Variants in EMSY observed in about 807,000 individuals in gnomAD.
EMSY encodes the protein EMSY transcriptional repressor, BRCA2 interacting, also known as BRCA2-interacting transcriptional repressor EMSY.
A neutral mutation model predicts 134.6 loss-of-function variants in EMSY; 26 were observed. That is an observed-to-expected ratio of 0.19 (90% CI 0.14 to 0.27). EMSY has a LOEUF of 0.27. Among genes scored for constraint, EMSY ranks in the 10% least tolerant of loss-of-function variants. The pLI is 1.00. For missense variants in EMSY, 1,305 were observed against 1,611.4 expected, an observed-to-expected ratio of 0.81 and a Z score of 3.26; for synonymous variants, 579 against 577.8, an observed-to-expected ratio of 1.00 and a Z score of -0.03.
intron 10 of EMSY, 124 bp downstream of exon 11, chr11:76,513,659 T>G: frequency 2.0e-6 from 2 of 983,334 alleles, no homozygotes; most frequent in Non-Finnish European, 2.9e-6. Flanking sequence ...AAAGAGGCCT[T>G]TCTTGATTCT....
chr11:76,501,722 A>G (rs184318347), intron 9 of EMSY, among the ~76,000 whole-genome samples: 1 of 152,318 alleles, frequency 6.6e-6, no homozygotes, highest in Non-Finnish European at 1.5e-5. Context: ...ACCAACATAC[A>G]TATAATGGAA....
chr11:76,514,883 G>GA (rs1322558788), intron 10 of EMSY, among the ~76,000 whole-genome samples: 2 of 151,964 alleles, frequency 1.3e-5, no homozygotes, highest in African/African-American at 4.8e-5. Flanking sequence ...AGATAACAGT[G>GA]TTATGCATAT....
chr11:76,530,893 C>A (rs1951018218), intron 14 of EMSY, among the ~76,000 whole-genome samples: 1 of 152,068 alleles, frequency 6.6e-6, no homozygotes. Flanking sequence ...TACATTGTTG[C>A]TTTTGTAGTT....
exon 7 of EMSY, chr11:76,463,875 C>T: frequency 6.2e-7 from 1 of 1,614,222 alleles, no homozygotes. Context: ...CGAACAAACT[C>T]TTCCAGCTCC....
At chr11:76,552,404 G>A (rs1951857248), downstream of EMSY, 1 of 152,096 alleles carries the variant, frequency 6.6e-6, no homozygotes, top group African/African-American at 2.4e-5. Context: ...TCCCTTTACT[G>A]AAAGTCTTAG....
At chr11:76,459,879 T>A in intron 5 of EMSY, 54 bp from the exon 7 acceptor site, 1 of 1,596,976 alleles carries the variant, frequency 6.3e-7, no homozygotes, top group Non-Finnish European at 8.6e-7. Flanking sequence ...TTTTTTTGTA[T>A]GCCTGGACAG....
chr11:76,511,189 A>G (rs1439019019), intron 9 of EMSY, among the ~76,000 whole-genome samples: 2 of 152,176 alleles, frequency 1.3e-5, no homozygotes, highest in Non-Finnish European at 2.9e-5. Context: ...GCAAAGGGGT[A>G]CAGCTCCTGA....
chr11:76,533,488 G>T (rs559891243), intron 14 of EMSY, among the ~76,000 whole-genome samples: 3 of 152,118 alleles, frequency 2.0e-5, no homozygotes, highest in Non-Finnish European at 2.9e-5. Flanking sequence ...GAGTACTTTG[G>T]TGCTGGAGTT....
At chr11:76,534,389 C>G (rs1039128542) in intron 14 of EMSY, among the ~76,000 whole-genome samples, 1 of 152,104 alleles carries the variant, frequency 6.6e-6, no homozygotes, top group African/African-American at 2.4e-5. Context: ...AGGATAGCAT[C>G]CAGTCTTCTG....
chr11:76,514,076 G>T (rs1343047438), intron 10 of EMSY, among the ~76,000 whole-genome samples: 1 of 152,100 alleles, frequency 6.6e-6, no homozygotes, highest in African/African-American at 2.4e-5. Context: ...TGACAGTGTT[G>T]AACATTTTGG....
chr11:76,523,533 G>A (rs748964789), intron 12 of EMSY, among the ~76,000 whole-genome samples: 1 of 152,130 alleles, frequency 6.6e-6, no homozygotes, highest in Non-Finnish European at 1.5e-5. Context: ...TAGATGCTTA[G>A]CTTTGTCCAG....
intron 8 of EMSY, among the ~76,000 whole-genome samples, chr11:76,486,449 T>G (rs1019486575): frequency 6.6e-6 from 1 of 152,142 alleles, no homozygotes; most frequent in Non-Finnish European, 1.5e-5. Flanking sequence ...AACAGAGGCA[T>G]GAGTGTGGAT....
chr11:76,480,782 T>G (rs1183310623), intron 8 of EMSY, among the ~76,000 whole-genome samples: 1 of 152,058 alleles, frequency 6.6e-6, no homozygotes, highest in Non-Finnish European at 1.5e-5. Flanking sequence ...CAAAGCAGGG[T>G]GGGGTGTTGC....
rs997002440 is a variant in EMSY at position 76,460,998 on chromosome 11, G to GA, written c.571+925dup. The GA allele has an allele frequency of 7.1e-3, 963 of 136,528 alleles. 3 individuals carry two copies. The highest frequency in any genetic ancestry group is 0.011 in the Middle Eastern group (3 of 274). The allele number at this position is 136,528 out of a possible 1,614,324, so 8.5% of individuals were successfully genotyped here. A position where few individuals can be genotyped will look rare whatever the true frequency, so the allele number is the denominator to read the frequency against. Reference sequence around the variant, plus strand: ...GAGCAAGACTCTGTCTCAAAAAAAAGAAAAAAAAAAAAGAAAAGTGGTTAA... The same window carrying GA: ...GAGCAAGACTCTGTCTCAAAAAAAAGAAAAAAAAAAAAAGAAAAGTGGTTAA... On this transcript the variant is annotated intron_variant, in intron 6 of 20. Coordinates refer to ENST00000334736, the Ensembl canonical transcript of EMSY.
At chr11:76,529,449 ATTAATTCAATTTGACAATT>A (rs1297425879) in intron 14 of EMSY, among the ~76,000 whole-genome samples, 2 of 152,202 alleles carry the variant, frequency 1.3e-5, no homozygotes, top group African/African-American at 4.8e-5. Flanking sequence ...TGATTAGTCC[ATTAATTCAATTTGACAATT>A]ATTTATTAGT....
chr11:76,460,440 CTTTGTAGTATTTT>C, intron 6 of EMSY: 1 of 165,600 alleles, frequency 6.0e-6, no homozygotes, highest in African/African-American at 2.4e-5. Flanking sequence ...TAATTTTAAT[CTTTGTAGTATTTT>C]CTTAGATTAT....
At chr11:76,551,427 G>A (rs1951832803) in exon 21 of EMSY, 1 of 152,714 alleles carries the variant, frequency 6.5e-6, no homozygotes, top group African/African-American at 2.4e-5. Context: ...TAACTGCCCA[G>A]TTTTTTTGGT....
chr11:76,543,110 G>T (rs1374149887), intron 18 of EMSY, among the ~76,000 whole-genome samples: 4 of 152,150 alleles, frequency 2.6e-5, no homozygotes, highest in African/African-American at 4.8e-5. Flanking sequence ...AGGTGGCAGA[G>T]CCAGGATTTA....
intron 4 of EMSY, among the ~76,000 whole-genome samples, chr11:76,456,932 A>T (rs1041671811): frequency 3.9e-5 from 6 of 152,198 alleles, no homozygotes; most frequent in Admixed American, 3.9e-4. Flanking sequence ...TTATCTGTCA[A>T]ATAATTTCAG....
Sources: gnomAD v4.1 joint callset for allele counts (sites outside exome capture counted in the v4.1 genomes callset) on GRCh38, gnomAD v4.1.1 for gene constraint, MANE v1.5 for transcripts, NCBI Gene and HGNC (gene_info 2026-07-23, HGNC 2026-07-21) for gene names.